DLK1: variants seen among roughly 807,000 people sequenced by gnomAD.
The protein encoded by DLK1 is protein delta homolog 1.
Under a neutral mutation model 35.2 loss-of-function variants are expected in DLK1, and 9 were observed. The observed-to-expected ratio is 0.26, with a 90% CI of 0.15 to 0.45. The LOEUF (loss-of-function observed/expected upper bound fraction) is 0.45. Among genes scored for constraint, DLK1 ranks in the 20% least tolerant of loss-of-function variants. DLK1 has a pLI of 1.00. For missense variants in DLK1, 522 were observed against 528.5 expected, an observed-to-expected ratio of 0.99 and a Z score of 0.12; for synonymous variants, 231 against 228.4, an observed-to-expected ratio of 1.01 and a Z score of -0.10.
chr14:100,733,756 C>A (rs1328216781), intron 4 of DLK1, among the ~76,000 whole-genome samples: 1 of 152,206 alleles, frequency 6.6e-6, no homozygotes, highest in Non-Finnish European at 1.5e-5. Context: ...TTTTCCTCTC[C>A]TAGCCTCAGT....
At chr14:100,729,198 C>A in intron 3 of DLK1, 132 bp downstream of exon 3, 1 of 1,469,130 alleles carries the variant, frequency 6.8e-7, no homozygotes, top group Non-Finnish European at 9.3e-7. Flanking sequence ...GCCCTGTATT[C>A]TAAAGATCTG....
chr14:100,731,449 C>T (rs551821176), intron 3 of DLK1, among the ~76,000 whole-genome samples: 3 of 152,302 alleles, frequency 2.0e-5, no homozygotes, highest in African/African-American at 7.2e-5. Flanking sequence ...AGTTCAGAGC[C>T]TGAGTGCAGA....
chr14:100,727,241 C>G, intron 1 of DLK1, 106 bp downstream of exon 1: 1 of 1,187,956 alleles, frequency 8.4e-7, no homozygotes, highest in Non-Finnish European at 1.1e-6. Flanking sequence ...CCAACTCCGC[C>G]CGTCCCGCCT....
At chr14:100,727,828 C>T (rs769459147) in intron 1 of DLK1, among the ~76,000 whole-genome samples, 1 of 152,024 alleles carries the variant, frequency 6.6e-6, no homozygotes, top group African/African-American at 2.4e-5. Context: ...AACCCTGTGT[C>T]GTCATCGTTT....
In DLK1 at chr14:100,735,749, CCTAA is replaced by C. The variant is rs1339458023; in HGVS notation, c.*856_*859del. The C allele has an allele frequency of 7.2e-5, 11 of 152,222 alleles. No individual in the cohort carries two copies. Among genetic ancestry groups the C allele is most frequent in the African/African-American group, 2.4e-4 (10 of 41,452 alleles). The allele number at this position is 152,222 out of a possible 1,614,324, so 9.4% of individuals were successfully genotyped here. A position where few individuals can be genotyped will look rare whatever the true frequency, so the allele number is the denominator to read the frequency against. ...ATGAACGCTTGATGTTGAAATTTAT[CCTAA>C]CTGTGTTTCTCAAAGTGGGGAGCCT... On this transcript the variant is annotated 3_prime_UTR_variant, in exon 5 of 5. Transcript: ENST00000341267.
Position 100,734,925 on chromosome 14 carries a change from C to A in DLK1, c.*29C>A. On this transcript the variant is annotated 3_prime_UTR_variant, in exon 5 of 5. Transcript: ENST00000341267. This position sits in a 1 kb window ranked among gnomAD's most constrained non-coding sequence, Gnocchi z 7.4. ...GCGTTCCCACAGCCCCCTCTAGATTCTTGGAGTTCCGCAGAGCTTACTATA... is the reference window on the plus strand; with the variant it reads ...GCGTTCCCACAGCCCCCTCTAGATTATTGGAGTTCCGCAGAGCTTACTATA... The A allele has an allele frequency of 6.5e-7, 1 of 1,539,404 alleles. No individual in the cohort carries two copies. The highest frequency in any genetic ancestry group is 1.2e-5 in the South Asian group (1 of 80,748).
rs1445321501 is a variant in DLK1, at chr14:100,738,178, C to T, written c.*3282C>T. ...CTTTCCCGTTTACTACCAGTCCAGA[C>T]ATGCAAAAAAACCTTGTTTATTGAA... On this transcript the variant is annotated 3_prime_UTR_variant, in exon 5 of 5. Transcript: ENST00000341267. 6.6e-6 allele frequency: 1 copy of T among 152,210 alleles called. No homozygotes were observed. Among genetic ancestry groups the T allele is most frequent in the Admixed American group, 6.5e-5 (1 of 15,286 alleles). The allele number at this position is 152,210 out of a possible 1,614,324, so 9.4% of individuals were successfully genotyped here.
chr14:100,728,427 A>G lies in DLK1; in HGVS notation c.99A>G (p.Gln33=), dbSNP rs13329039. The change falls in exon 2 of 5, where the codon CAA becomes CAG. Residue 33 remains glutamine, a synonymous_variant. Transcript: ENST00000341267. ...GAECFPACNP[Q]NGFCEDDNVC... ...AATGCTTCCCGGCCTGCAACCCCCA[A>G]AATGGATTCTGCGAGGATGACAATG... is the stretch of plus-strand genomic sequence containing the variant. 850 of 1,614,000 alleles carry G rather than the reference A, an allele frequency of 5.3e-4. 2 individuals carry two copies. The African/African-American group carries it at 6.3e-3, about 12-fold the overall frequency.
chr14:100,735,144 G>A lies in DLK1; in HGVS notation c.*248G>A, dbSNP rs1567022975. The A allele has an allele frequency of 2.6e-6, 1 of 384,044 alleles. No individual in the cohort carries two copies. The highest frequency in any genetic ancestry group is 4.4e-6 in the Non-Finnish European group (1 of 224,974). The allele number at this position is 384,044 out of a possible 1,614,324, so 23.8% of individuals were successfully genotyped here. A position where few individuals can be genotyped will look rare whatever the true frequency, so the allele number is the denominator to read the frequency against. On this transcript the variant is annotated 3_prime_UTR_variant, in exon 5 of 5. Transcript: ENST00000341267. ...TTAAATGAGTAAGAGAAATAAGTATGTTATTCTAAAATCTAAACTCAAATG... is the reference window on the plus strand; with the variant it reads ...TTAAATGAGTAAGAGAAATAAGTATATTATTCTAAAATCTAAACTCAAATG...
At chr14:100,732,272 C>A in intron 4 of DLK1, 89 bp downstream of exon 4, 12 of 1,516,188 alleles carry the variant, frequency 7.9e-6, no homozygotes, top group South Asian at 1.3e-5. Flanking sequence ...CTGGACCTGT[C>A]GTCTGACAAA....
At position 100,728,902 on chromosome 14, in the gene DLK1, A is replaced by G. The variant is rs768182660; in HGVS notation, c.132-34A>G. 6 of 1,609,410 alleles carry G rather than the reference A, an allele frequency of 3.7e-6. No individual in the cohort carries two copies. The Admixed American group carries it at 6.7e-5, about 18-fold the overall frequency. On this transcript the variant is annotated intron_variant, in intron 2 of 4. Coordinates refer to ENST00000341267, the MANE Select transcript of DLK1 (RefSeq NM_003836.7). ...CTGCCTCTCTACCCCTGCCCTCTTCATATGTCCCCACCTTTCTCCCCCACC... is the reference window on the plus strand; with the variant it reads ...CTGCCTCTCTACCCCTGCCCTCTTCGTATGTCCCCACCTTTCTCCCCCACC...
In DLK1 at chr14:100,735,522, G is replaced by C. The variant is rs1053344613; in HGVS notation, c.*626G>C. The C allele has an allele frequency of 2.0e-5, 3 of 152,170 alleles. No homozygotes were observed. The highest frequency in any genetic ancestry group is 4.4e-5 in the Non-Finnish European group (3 of 68,058). The allele number at this position is 152,170 out of a possible 1,614,324, so 9.4% of individuals were successfully genotyped here. On this transcript the variant is annotated 3_prime_UTR_variant, in exon 5 of 5. Transcript: ENST00000341267. ...TAACTCGCTGTGTGATCCTTGGCGAGTCCCTATCCCAATCCTGGGCCCACT... is the reference window on the plus strand; with the variant it reads ...TAACTCGCTGTGTGATCCTTGGCGACTCCCTATCCCAATCCTGGGCCCACT...
rs753754866 is a variant in DLK1 at position 100,733,156 on chromosome 14, AG to A, written c.404+974del. Reference sequence around the variant, plus strand: ...CCATTTCTGCTTATTAGCAGGAAGGAGAAAAACAGAGCGAGACCTTTAAAAT... The same window carrying A: ...CCATTTCTGCTTATTAGCAGGAAGGAAAAAACAGAGCGAGACCTTTAAAAT... On this transcript the variant is annotated intron_variant, in intron 4 of 4. Transcript: ENST00000341267. 3.7e-4 allele frequency among the ~76,000 whole-genome samples: 57 copies of A among 152,360 alleles called. 1 individual carries two copies. Among genetic ancestry groups the A allele is most frequent in the Middle Eastern group, 6.8e-3 (2 of 294 alleles).
rs752284527 is a variant in DLK1, at chr14:100,734,583, C to T, written c.839C>T (p.Pro280Leu). The change falls in exon 5 of 5, where the codon CCG becomes CTG. Residue 280 changes from proline to leucine, a missense_variant. Physicochemically the swap from Pro to Leu is moderately conservative, Grantham distance 98. Coordinates refer to ENST00000341267, the MANE Select transcript of DLK1 (RefSeq NM_003836.7). The surrounding 1 kb of genome is among the most constrained non-coding windows in gnomAD (Gnocchi z 7.4). ...PGVHELPVQQPEHRILKVSMK... is the reference protein window; with the variant it reads ...PGVHELPVQQLEHRILKVSMK... Reference sequence around the variant, plus strand: ...GTGCACGAGCTGCCGGTGCAGCAGCCGGAGCACCGCATCCTGAAGGTGTCC... The same window carrying T: ...GTGCACGAGCTGCCGGTGCAGCAGCTGGAGCACCGCATCCTGAAGGTGTCC... 8.7e-6 allele frequency: 14 copies of T among 1,613,710 alleles called. 1 individual carries two copies. Among genetic ancestry groups the T allele is most frequent in the South Asian group, 6.6e-5 (6 of 91,072 alleles).
chr14:100,734,902 G>T lies in DLK1; in HGVS notation c.*6G>T, dbSNP rs201917535. 5 of 1,566,042 alleles carry T rather than the reference G, an allele frequency of 3.2e-6. No individual in the cohort carries two copies. The African/African-American group carries it at 4.1e-5, about 13-fold the overall frequency. On this transcript the variant is annotated 3_prime_UTR_variant, in exon 5 of 5. Coordinates refer to ENST00000341267, the MANE Select transcript of DLK1 (RefSeq NM_003836.7). The surrounding 1 kb of genome is among the most constrained non-coding windows in gnomAD (Gnocchi z 7.4). ...CCGGCGACGAGGAGATCTAAGCAGC[G>T]TTCCCACAGCCCCCTCTAGATTCTT... is the stretch of plus-strand genomic sequence containing the variant.
rs1047608081 is a variant in DLK1 at position 100,737,384 on chromosome 14, G to A, written c.*2488G>A. On this transcript the variant is annotated 3_prime_UTR_variant, in exon 5 of 5. Coordinates refer to ENST00000341267, the MANE Select transcript of DLK1 (RefSeq NM_003836.7). ...TGAGACCTGGACTGAGCCTGCTAAC[G>A]ATTCTGTTCCTCAGTTTCCCCAAAT... 2.0e-5 allele frequency: 3 copies of A among 151,942 alleles called. No homozygotes were observed. The highest frequency in any genetic ancestry group is 4.4e-5 in the Non-Finnish European group (3 of 68,020). The allele number at this position is 151,942 out of a possible 1,614,324, so 9.4% of individuals were successfully genotyped here.
At chr14:100,732,662 C>T (rs72698732) in intron 4 of DLK1, among the ~76,000 whole-genome samples, 5,829 of 152,196 alleles carry the variant, frequency 0.038, 162 homozygotes, top group Middle Eastern at 0.088. Context: ...TCTGCCAGCA[C>T]GAGAGGAGGT....
At position 100,727,151 on chromosome 14, in the gene DLK1, G is replaced by T; in HGVS notation, c.67+16G>T. 6.4e-7 allele frequency: 1 copy of T among 1,557,298 alleles called. No homozygotes were observed. The highest frequency in any genetic ancestry group is 8.7e-7 in the Non-Finnish European group (1 of 1,151,842). On this transcript the variant is annotated intron_variant, in intron 1 of 4. Coordinates refer to ENST00000341267, the MANE Select transcript of DLK1 (RefSeq NM_003836.7). ...AGCACCTATGGTGAGTTCCCCGGCG[G>T]CCCGGCTCGCGCCCCCTCTGGGGAA...
intron 1 of DLK1, 65 bp from the exon 2 acceptor site, chr14:100,728,331 A>G: frequency 6.3e-7 from 1 of 1,583,412 alleles, no homozygotes; most frequent in Non-Finnish European, 8.7e-7. Flanking sequence ...TGTGTGGGCG[A>G]AGACAGCCTT....
Sources: gnomAD v4.1 joint callset for allele counts (sites outside exome capture counted in the v4.1 genomes callset) on GRCh38, gnomAD v4.1.1 for gene constraint, Gnocchi (gnomAD v3.1) non-coding constraint, MANE v1.5 for transcripts, NCBI Gene and HGNC (gene_info 2026-07-23, HGNC 2026-07-21) for gene names.